The following SLC24A4 variants were observed in gnomAD, a reference collection of about 807,000 sequenced individuals.
The protein encoded by SLC24A4 is solute carrier family 24 member 4, also known as sodium/potassium/calcium exchanger 4.
Under a neutral mutation model 79.0 loss-of-function variants are expected in SLC24A4, and 53 were observed. That is an observed-to-expected ratio of 0.67 (90% confidence interval 0.54 to 0.84). The LOEUF (loss-of-function observed/expected upper bound fraction) is 0.84, where lower values mean the gene tolerates loss of function less well. SLC24A4 is among the 40% of genes least tolerant of loss of function. The pLI is 0.00. For synonymous variants in SLC24A4, 323 were observed against 323.8 expected, an observed-to-expected ratio of 1.00 and a Z score of 0.03; for missense variants, 731 against 822.0, an observed-to-expected ratio of 0.89 and a Z score of 1.35.
intron 12 of SLC24A4, among the ~76,000 whole-genome samples, chr14:92,479,787 A>G (rs1894960576): frequency 6.6e-6 from 1 of 152,198 alleles, no homozygotes; most frequent in African/African-American, 2.4e-5. Context: ...AGTCATGTTA[A>G]TTCTTCTTTA....
chr14:92,494,149 A>T lies in SLC24A4; in HGVS notation c.*521A>T, dbSNP rs1304562390. ...GCAGCCACAGTTTGGAAGGGGCAAG[A>T]CCTCAACCTGTTGGGGTTTAGGGCC... On this transcript the variant is annotated 3_prime_UTR_variant, in exon 17 of 17. Transcript: ENST00000532405. The surrounding 1 kb of genome is among the most constrained non-coding windows in gnomAD (Gnocchi z 4.6). 2 of 153,970 alleles carry T rather than the reference A, an allele frequency of 1.3e-5. No individual in the cohort carries two copies. Among genetic ancestry groups the T allele is most frequent in the East Asian group, 3.8e-4 (2 of 5,216 alleles). The allele number at this position is 153,970 out of a possible 1,614,324, so 9.5% of individuals were successfully genotyped here. A position where few individuals can be genotyped will look rare whatever the true frequency, so the allele number is the denominator to read the frequency against.
intron 11 of SLC24A4, 88 bp from the exon 12 acceptor site, chr14:92,456,316 C>A (rs1287736331): frequency 1.5e-6 from 2 of 1,346,906 alleles, no homozygotes; most frequent in African/African-American, 1.4e-5. Flanking sequence ...CCTGTAAGAG[C>A]AGGGTGCGTG....
At chr14:92,486,634 G>A (rs1895374741) in intron 13 of SLC24A4, 32 bp from the exon 14 acceptor site, 1 of 1,385,318 alleles carries the variant, frequency 7.2e-7, no homozygotes, top group Non-Finnish European at 1.0e-6. Flanking sequence ...ACTGTTGGTT[G>A]AGAGTTCATG....
At chr14:92,456,231 C>A (rs1002568839) in intron 11 of SLC24A4, among the ~76,000 whole-genome samples, 173 bp from the exon 12 acceptor site, 1 of 152,176 alleles carries the variant, frequency 6.6e-6, no homozygotes, top group Non-Finnish European at 1.5e-5. Context: ...ATGTAAGTGA[C>A]CAAACATAGA....
At chr14:92,431,637 G>T (rs935739391) in intron 2 of SLC24A4, among the ~76,000 whole-genome samples, 1 of 152,212 alleles carries the variant, frequency 6.6e-6, no homozygotes, top group Non-Finnish European at 1.5e-5. Context: ...CCATGCCAGG[G>T]CATGCCGCAC....
chr14:92,468,175 A>G (rs1157129736), intron 12 of SLC24A4, among the ~76,000 whole-genome samples: 3 of 152,378 alleles, frequency 2.0e-5, no homozygotes, highest in Admixed American at 2.0e-4. Flanking sequence ...AATAGGATTT[A>G]AAAGAATAAA....
intron 1 of SLC24A4, among the ~76,000 whole-genome samples, chr14:92,325,587 G>A (rs957939429): frequency 1.3e-5 from 2 of 152,178 alleles, no homozygotes; most frequent in South Asian, 2.1e-4. Flanking sequence ...TATCTAAACC[G>A]TTTGTTGCAC....
intron 2 of SLC24A4, among the ~76,000 whole-genome samples, chr14:92,387,883 A>G (rs974499793): frequency 3.3e-5 from 5 of 152,204 alleles, no homozygotes; most frequent in Non-Finnish European, 7.3e-5. Flanking sequence ...AGAATGTCCT[A>G]CCTTTTAAAG....
intron 8 of SLC24A4, among the ~76,000 whole-genome samples, chr14:92,446,253 T>G: frequency 6.6e-6 from 1 of 152,212 alleles, no homozygotes; most frequent in Non-Finnish European, 1.5e-5. Context: ...CTCAAGTGAT[T>G]CATGTGCCTC....
intron 2 of SLC24A4, among the ~76,000 whole-genome samples, chr14:92,425,143 GAC>G (rs2139767987): frequency 6.6e-6 from 1 of 152,308 alleles, no homozygotes; most frequent in Non-Finnish European, 1.5e-5. Flanking sequence ...GCTGTGTGAA[GAC>G]ACAGGCAGAA....
chr14:92,454,192 C>T, intron 11 of SLC24A4, 123 bp downstream of exon 11: 1 of 1,015,742 alleles, frequency 9.8e-7, no homozygotes, highest in Non-Finnish European at 1.4e-6. Flanking sequence ...CCTGGGGCCT[C>T]CAGAAGCCTG....
At chr14:92,448,632 T>G (rs1595298763) in intron 9 of SLC24A4, among the ~76,000 whole-genome samples, 1 of 152,262 alleles carries the variant, frequency 6.6e-6, no homozygotes, top group African/African-American at 2.4e-5. Flanking sequence ...GACTCTTCCC[T>G]CAGGGGTGAT....
rs377654077 is a variant in SLC24A4, at chr14:92,342,363, C to CATTAATTTATTTATTTATTT, written c.241+16388_241+16389insAATTTATTTATTTATTTATT. 5.4e-4 allele frequency among the ~76,000 whole-genome samples: 74 copies of CATTAATTTATTTATTTATTT among 137,926 alleles called. 1 individual carries two copies. Among genetic ancestry groups the CATTAATTTATTTATTTATTT allele is most frequent in the African/African-American group, 1.6e-3 (59 of 36,736 alleles). The allele number at this position is 137,926 out of a possible 152,430, so 90.5% of individuals were successfully genotyped here. On this transcript the variant is annotated intron_variant, in intron 2 of 16. Coordinates refer to ENST00000532405, the MANE Select transcript of SLC24A4 (RefSeq NM_153646.4). ...GCTCCCAGATTCTTCTTTTTTTCCCCATTTATTTATTTATTTATTTATTTA... is the reference window on the plus strand; with the variant it reads ...GCTCCCAGATTCTTCTTTTTTTCCCCATTAATTTATTTATTTATTTATTTATTTATTTATTTATTTATTTA...
chr14:92,343,653 T>TTCCTTCCCTCCTTCCTTCCTTCC (rs58733128), intron 2 of SLC24A4, among the ~76,000 whole-genome samples: 1 of 34,214 alleles, frequency 2.9e-5, no homozygotes, highest in African/African-American at 7.3e-5. Flanking sequence ...TCTTTCCTTC[T>TTCCTTCCCTCCTTCCTTCCTTCC]TTCCTTCCTT....
intron 2 of SLC24A4, among the ~76,000 whole-genome samples, chr14:92,384,977 A>G (rs10135391): frequency 0.4 from 60,073 of 152,078 alleles, 14,270 homozygotes; most frequent in African/African-American, 0.68. Context: ...TGTATCTGTA[A>G]TGAAGGGGGA....
chr14:92,458,508 G>A (rs559382677), intron 12 of SLC24A4, among the ~76,000 whole-genome samples: 1 of 152,218 alleles, frequency 6.6e-6, no homozygotes, highest in Non-Finnish European at 1.5e-5. Flanking sequence ...CACCAGGGCT[G>A]TGTGTGGGAC....
chr14:92,440,058 G>A (rs1412041571), intron 4 of SLC24A4, among the ~76,000 whole-genome samples: 1 of 152,192 alleles, frequency 6.6e-6, no homozygotes, highest in African/African-American at 2.4e-5. Flanking sequence ...AATCTCCCGC[G>A]TGTTTGAGAC....
chr14:92,418,757 A>G (rs966254642), intron 2 of SLC24A4, among the ~76,000 whole-genome samples: 1 of 152,182 alleles, frequency 6.6e-6, no homozygotes, highest in African/African-American at 2.4e-5. Context: ...GCTGGAGTGC[A>G]GTGGCGTGAT....
chr14:92,344,240 G>A (rs1213709889), intron 2 of SLC24A4, among the ~76,000 whole-genome samples: 1 of 152,224 alleles, frequency 6.6e-6, no homozygotes, highest in Non-Finnish European at 1.5e-5. Context: ...CTTTTCCCAT[G>A]AGGATGGTGT....
Sources: allele counts gnomAD v4.1 joint callset (sites outside exome capture counted in the v4.1 genomes callset), GRCh38; gene constraint gnomAD v4.1.1; non-coding constraint Gnocchi (gnomAD v3.1); transcripts MANE v1.5; gene names NCBI Gene and HGNC (gene_info 2026-07-23, HGNC 2026-07-21).